KLF17: variants seen among roughly 807,000 people sequenced by gnomAD.
KLF17 encodes Krueppel-like factor 17.
KLF17 carries 31 observed loss-of-function variants against 34.2 expected under a neutral mutation model. The observed-to-expected ratio is 0.91, with a 90% confidence interval of 0.68 to 1.22. The LOEUF is 1.22. Ranked by LOEUF, KLF17 falls within the 50% of genes most tolerant of loss-of-function variation. The probability of loss-of-function intolerance (pLI) is 0.00; values close to 1 mark genes in which losing one functional copy is unlikely to be tolerated. For synonymous variants in KLF17, 179 were observed against 186.7 expected, an observed-to-expected ratio of 0.96 and a Z score of 0.34; for missense variants, 478 against 505.2, an observed-to-expected ratio of 0.95 and a Z score of 0.52.
the KLF17 span, among the ~76,000 whole-genome samples, chr1:44,072,342 A>G: frequency 0.08 from 12,213 of 152,030 alleles, 488 homozygotes; most frequent in African/African-American, 0.1. Flanking sequence ...TCAGGGGACT[A>G]ATCTGAGCTG....
upstream of KLF17, among the ~76,000 whole-genome samples, chr1:44,117,804 T>A (rs927662267): frequency 1.3e-5 from 2 of 152,158 alleles, no homozygotes; most frequent in African/African-American, 4.8e-5. Flanking sequence ...CTCATCTCCT[T>A]TAGATTTCTA....
At chr1:44,080,002 T>C in the KLF17 span, among the ~76,000 whole-genome samples, 1 of 151,144 alleles carries the variant, frequency 6.6e-6, no homozygotes, top group Non-Finnish European at 1.5e-5. Context: ...GATCTCGGCT[T>C]ACTACAACCT....
the KLF17 span, among the ~76,000 whole-genome samples, chr1:44,066,347 A>C: frequency 0.51 from 68,791 of 134,180 alleles, 16,122 homozygotes; most frequent in South Asian, 0.6. Context: ...CCCTCCCCCC[A>C]AAAAAAACAA....
At chr1:44,120,079 A>G (rs2154311346) in intron 1 of KLF17, among the ~76,000 whole-genome samples, 1 of 152,338 alleles carries the variant, frequency 6.6e-6, no homozygotes, top group Non-Finnish European at 1.5e-5. Context: ...CTAGAGTAAC[A>G]GATTTCTTGC....
intron 1 of KLF17, among the ~76,000 whole-genome samples, chr1:44,121,012 A>G (rs1278785951): frequency 1.3e-5 from 2 of 152,202 alleles, no homozygotes; most frequent in East Asian, 3.9e-4. Flanking sequence ...AATTAAATAA[A>G]AAATAAAACA....
At chr1:44,127,879 A>G (rs1276585218) in intron 1 of KLF17, among the ~76,000 whole-genome samples, 1 of 79,562 alleles carries the variant, frequency 1.3e-5, no homozygotes. Flanking sequence ...TTTTTTTTTT[A>G]ATTGCAATCT....
At chr1:44,099,939 G>T in the KLF17 span, among the ~76,000 whole-genome samples, 3 of 126,332 alleles carry the variant, frequency 2.4e-5, no homozygotes, top group African/African-American at 8.4e-5. Context: ...AGGGAGGGAG[G>T]GAGACAAAGA....
At chr1:44,100,905 A>G in the KLF17 span, among the ~76,000 whole-genome samples, 1 of 152,154 alleles carries the variant, frequency 6.6e-6, no homozygotes, top group African/African-American at 2.4e-5. Flanking sequence ...AAACCCTCAC[A>G]TTTTTAGGTT....
the KLF17 span, among the ~76,000 whole-genome samples, chr1:44,099,861 GAAA>G: frequency 1.1e-4 from 11 of 100,712 alleles, no homozygotes; most frequent in South Asian, 3.7e-4. Context: ...AAGAAAGAAA[GAAA>G]GAAAGAAAGA....
chr1:44,108,116 T>C, the KLF17 span, among the ~76,000 whole-genome samples: 1 of 152,226 alleles, frequency 6.6e-6, no homozygotes, highest in African/African-American at 2.4e-5. Context: ...TTTCAGATTA[T>C]TCAACTAACC....
rs764667525 is a variant in KLF17, at chr1:44,129,618, G to C, written c.347G>C (p.Arg116Thr). ...LTPSRMIYCQ[R>T]MSPPQQEMTI... ...CCTTCCCGGATGATTTACTGTCAGA[G>C]AATGTCTCCCCCTCAGCAAGAGATG... The change falls in exon 2 of 4, where the codon AGA becomes ACA. Residue 116 changes from arginine (R) to threonine (T), a missense_variant. Arg to Thr is a moderately conservative substitution (Grantham distance 71, BLOSUM62 -1). Coordinates refer to ENST00000372299, the MANE Select transcript of KLF17 (RefSeq NM_173484.4). The C allele has an allele frequency of 3.7e-6, 6 of 1,614,200 alleles. No individual in the cohort carries two copies. The highest frequency in any genetic ancestry group is 5.1e-6 in the Non-Finnish European group (6 of 1,180,034).
the KLF17 span, chr1:44,076,604 A>C: frequency 1.3e-5 from 2 of 152,040 alleles, no homozygotes; most frequent in African/African-American, 4.8e-5. Context: ...TTGTGGTTTT[A>C]ATTTGCATTT....
intron 1 of KLF17, among the ~76,000 whole-genome samples, chr1:44,128,650 T>C (rs1407461037): frequency 6.6e-6 from 1 of 152,186 alleles, no homozygotes; most frequent in African/African-American, 2.4e-5. Context: ...TCAATTCCTT[T>C]CATCTCTGTG....
At chr1:44,071,531 C>T in the KLF17 span, among the ~76,000 whole-genome samples, 2 of 150,204 alleles carry the variant, frequency 1.3e-5, no homozygotes, top group Admixed American at 6.6e-5. Flanking sequence ...CCACTCAGGC[C>T]CCAAGCTCAA....
rs374100654 is a variant in KLF17, at chr1:44,129,437, C to T, written c.166C>T (p.Pro56Ser). 64 of 1,593,056 alleles carry T rather than the reference C, an allele frequency of 4.0e-5. No homozygotes were observed. Among genetic ancestry groups the T allele is most frequent in the Non-Finnish European group, 4.6e-5 (54 of 1,168,606 alleles). ...GVHTSWNQGL[P>S]SIQHFPHSAE... ...GCACACCTCTTGGAACCAAGGCCTACCAAGCATTCAGCACTTTCCTCACAG... is the reference window on the plus strand; with the variant it reads ...GCACACCTCTTGGAACCAAGGCCTATCAAGCATTCAGCACTTTCCTCACAG... Residue 56 changes from proline (P) to serine (S), a missense_variant, in exon 2 of 4, where the codon CCA (proline) becomes TCA (serine). Physicochemically the swap from Pro to Ser is moderately conservative, Grantham distance 74. Coordinates refer to ENST00000372299, the MANE Select transcript of KLF17 (RefSeq NM_173484.4).
chr1:44,102,866 G>C, the KLF17 span, among the ~76,000 whole-genome samples: 6 of 151,710 alleles, frequency 4.0e-5, no homozygotes, highest in Non-Finnish European at 7.4e-5. Flanking sequence ...AAAAAATGTT[G>C]CTTGATATCT....
chr1:44,113,522 C>G, the KLF17 span, among the ~76,000 whole-genome samples: 1 of 152,126 alleles, frequency 6.6e-6, no homozygotes, highest in Non-Finnish European at 1.5e-5. Context: ...GCACCTAGGC[C>G]AGCCTGGGTA....
chr1:44,103,963 T>C, the KLF17 span: 1 of 866,566 alleles, frequency 1.2e-6, no homozygotes, highest in Non-Finnish European at 2.0e-6. Flanking sequence ...CGCCTGCGGT[T>C]GGCGATCTCG....
chr1:44,084,543 G>A, the KLF17 span, among the ~76,000 whole-genome samples: 3 of 151,660 alleles, frequency 2.0e-5, no homozygotes, highest in Non-Finnish European at 2.9e-5. Flanking sequence ...AGCTAGATAC[G>A]GTGGCTTGTA....
Sources: allele counts gnomAD v4.1 joint callset (sites outside exome capture counted in the v4.1 genomes callset), GRCh38; gene constraint gnomAD v4.1.1; transcripts MANE v1.5; gene names NCBI Gene and HGNC (gene_info 2026-07-23, HGNC 2026-07-21).